RASSF5: variants seen among roughly 807,000 people sequenced by gnomAD.
RASSF5 encodes the protein Ras association domain family member 5.
RASSF5 carries 25 observed loss-of-function variants against 40.5 expected under a neutral mutation model. The ratio of observed to expected loss-of-function variants is 0.62; its 90% CI spans 0.45 to 0.86. RASSF5 has a LOEUF of 0.86. Ranked by LOEUF, RASSF5 falls within the 40% of genes least tolerant of loss-of-function variation. RASSF5 has a pLI of 0.00. For missense variants in RASSF5, 521 were observed against 572.8 expected (o/e 0.91, Z 0.92); for synonymous variants, 246 against 252.4 (o/e 0.97, Z 0.24).
intron 2 of RASSF5, among the ~76,000 whole-genome samples, chr1:206,582,885 T>C (rs1007835234): frequency 1.1e-4 from 17 of 152,202 alleles, no homozygotes; most frequent in African/African-American, 3.9e-4. Flanking sequence ...TCCCATAGCA[T>C]CAAAGAAGCA....
Position 206,584,974 on chromosome 1 carries a change from A to G in RASSF5, c.989-206A>G. Reference sequence around the variant, plus strand: ...CCTAATCTTTCAGGAGATGATGTGAATGGAATCATGCTTTAAACTCTGAGC... The same window carrying G: ...CCTAATCTTTCAGGAGATGATGTGAGTGGAATCATGCTTTAAACTCTGAGC... On this transcript the variant is annotated intron_variant, in intron 4 of 5. Coordinates refer to ENST00000579436, the MANE Select transcript of RASSF5 (RefSeq NM_182663.4). The surrounding 1 kb of genome is among the most constrained non-coding windows in gnomAD (Gnocchi z 4.9). 3.3e-6 allele frequency: 2 copies of G among 608,182 alleles called. No individual in the cohort carries two copies. The highest frequency in any genetic ancestry group is 5.8e-6 in the Non-Finnish European group (2 of 343,078). 37.7% of individuals were successfully genotyped at this position (608,182 alleles called of 1,614,324 possible).
chr1:206,584,900 A>C lies in RASSF5; in HGVS notation c.988+216A>C. On this transcript the variant is annotated intron_variant, in intron 4 of 5. Transcript: ENST00000579436. This position sits in a 1 kb window ranked among gnomAD's most constrained non-coding sequence, Gnocchi z 4.9. ...TGTGACTTCAGGAAAACCACACCCT[A>C]GGCTCCCATTTCCTGATCTGTGCAA... The C allele has an allele frequency of 1.6e-6, 1 of 613,464 alleles. No homozygotes were observed. Among genetic ancestry groups the C allele is most frequent in the Non-Finnish European group, 2.9e-6 (1 of 349,110 alleles). 38.0% of individuals were successfully genotyped at this position (613,464 alleles called of 1,614,324 possible).
chr1:206,521,584 G>A (rs1226796403), intron 1 of RASSF5, among the ~76,000 whole-genome samples: 1 of 152,162 alleles, frequency 6.6e-6, no homozygotes, highest in Admixed American at 6.5e-5. Context: ...CTATTTGGCT[G>A]TCCTTATCTT....
At chr1:206,548,947 C>T (rs1667767921) in intron 2 of RASSF5, among the ~76,000 whole-genome samples, 2 of 151,956 alleles carry the variant, frequency 1.3e-5, no homozygotes, top group African/African-American at 2.4e-5. Context: ...CTCACTGCAA[C>T]CTCTGTCTCC....
intron 2 of RASSF5, among the ~76,000 whole-genome samples, chr1:206,550,818 C>T (rs1156421433): frequency 6.6e-6 from 1 of 152,178 alleles, no homozygotes; most frequent in Admixed American, 6.5e-5. Context: ...AACAATGCTG[C>T]TCTCAGCATC....
chr1:206,512,090 C>T (rs1484744507), intron 1 of RASSF5, among the ~76,000 whole-genome samples: 9 of 152,044 alleles, frequency 5.9e-5, no homozygotes, highest in Admixed American at 3.3e-4. Flanking sequence ...GATTTAGCCC[C>T]GTGTTTGGCT....
At chr1:206,566,554 C>T (rs531270651) in intron 2 of RASSF5, among the ~76,000 whole-genome samples, 1 of 152,280 alleles carries the variant, frequency 6.6e-6, no homozygotes, top group South Asian at 2.1e-4. Context: ...CTGCAGGGCC[C>T]TCGCTTTGCA....
intron 1 of RASSF5, chr1:206,529,630 TGG>T: frequency 1.3e-6 from 1 of 765,726 alleles, no homozygotes; most frequent in Non-Finnish European, 2.4e-6. Context: ...GGCAATGTCC[TGG>T]GTCCCAAGTC....
intron 2 of RASSF5, among the ~76,000 whole-genome samples, chr1:206,575,427 T>TTG: frequency 6.6e-6 from 1 of 152,118 alleles, no homozygotes; most frequent in East Asian, 1.9e-4. Flanking sequence ...TTTTCTTGAG[T>TTG]TGTGTGTGTT....
rs146023819 is a variant in RASSF5, at chr1:206,535,988, C to G, written c.458-2184C>G. On this transcript the variant is annotated intron_variant, in intron 1 of 5. Coordinates refer to ENST00000579436, the MANE Select transcript of RASSF5 (RefSeq NM_182663.4). This position sits in a 1 kb window ranked among gnomAD's most constrained non-coding sequence, Gnocchi z 5.0. The stretch of plus-strand genomic sequence containing the variant: ...AGAGCATTCTTCATCGCTCAGAGCT[C>G]TACCAGAGCCATACAGGTGTGTCCC... 6.6e-6 allele frequency among the ~76,000 whole-genome samples: 1 copy of G among 152,222 alleles called. No individual in the cohort carries two copies. Among genetic ancestry groups the G allele is most frequent in the Non-Finnish European group, 1.5e-5 (1 of 68,008 alleles).
chr1:206,553,549 G>A (rs190972704), intron 2 of RASSF5, among the ~76,000 whole-genome samples: 36 of 152,336 alleles, frequency 2.4e-4, no homozygotes, highest in African/African-American at 8.2e-4. Flanking sequence ...CCTGTTAAGA[G>A]TGAAACTCCA....
At chr1:206,551,182 A>G (rs1553400990) in intron 2 of RASSF5, among the ~76,000 whole-genome samples, 2 of 152,204 alleles carry the variant, frequency 1.3e-5, no homozygotes, top group Non-Finnish European at 2.9e-5. Context: ...AGAATACATT[A>G]GACCCCACCT....
At chr1:206,536,969 C>T (rs551019696) in intron 1 of RASSF5, among the ~76,000 whole-genome samples, 6 of 152,310 alleles carry the variant, frequency 3.9e-5, no homozygotes, top group East Asian at 1.9e-4. Flanking sequence ...ATTTTCCCTG[C>T]GGATGGACTT....
chr1:206,582,766 T>C (rs1668944131), intron 2 of RASSF5, among the ~76,000 whole-genome samples: 1 of 152,242 alleles, frequency 6.6e-6, no homozygotes, highest in Non-Finnish European at 1.5e-5. Context: ...AGAGAATTCT[T>C]GTCTTCCCGA....
chr1:206,583,377 C>A lies in RASSF5; in HGVS notation c.688C>A (p.Leu230Met). 6.2e-7 allele frequency: 1 copy of A among 1,604,122 alleles called. No individual in the cohort carries two copies. Among genetic ancestry groups the A allele is most frequent in the Non-Finnish European group, 8.5e-7 (1 of 1,171,046 alleles). The change falls in exon 3 of 6, where the codon CTG becomes ATG. Residue 230 changes from leucine (L) to methionine (M), a missense_variant and splice_region_variant. Around this residue, in one of 2 missense-constraint regions of RASSF5, gnomAD observed 284 missense variants for 360.8 expected, o/e 0.79. Transcript: ENST00000579436. ...AGAGAAGAACTGCCTGGGCATGAAA[C>A]TGGTAAGCGCCCGTCCACCCTCAAC... ...TREKNCLGMK[L>M]SEDGTYTGFI...
chr1:206,546,089 ATTTTTTTT>A (rs10603701), intron 2 of RASSF5, among the ~76,000 whole-genome samples: 22 of 48,218 alleles, frequency 4.6e-4, no homozygotes, highest in African/African-American at 1.8e-3. Context: ...TTCTTTTTCT[ATTTTTTTT>A]TTTTTTTTTT....
rs868993286 is a variant in RASSF5, at chr1:206,552,930, G to A, written c.579+14637G>A. ...AAGAAAGTGCTCAGTAAGGCTGGGC[G>A]CGGTGGCTCACACCTGTAATCCCAG... On this transcript the variant is annotated intron_variant, in intron 2 of 5. Transcript: ENST00000579436. The surrounding 1 kb of genome is among the most constrained non-coding windows in gnomAD (Gnocchi z 4.1). Among the ~76,000 whole-genome samples the A allele has an allele frequency of 6.6e-6, 1 of 152,132 alleles. No individual in the cohort carries two copies. Among genetic ancestry groups the A allele is most frequent in the Admixed American group, 6.5e-5 (1 of 15,284 alleles).
chr1:206,583,503 CCA>C, intron 3 of RASSF5, 124 bp downstream of exon 3: 1 of 694,568 alleles, frequency 1.4e-6, no homozygotes, highest in Non-Finnish European at 2.6e-6. Flanking sequence ...CCTCCGGCCT[CCA>C]GAGGCCTCCG....
rs1395755900 is a variant in RASSF5 at position 206,579,557 on chromosome 1, A to G, written c.580-3712A>G. Among the ~76,000 whole-genome samples, 9 of 152,260 alleles carry G rather than the reference A, an allele frequency of 5.9e-5. No individual in the cohort carries two copies. The highest frequency in any genetic ancestry group is 3.4e-3 in the Middle Eastern group (1 of 294). On this transcript the variant is annotated intron_variant, in intron 2 of 5. Coordinates refer to ENST00000579436, the MANE Select transcript of RASSF5 (RefSeq NM_182663.4). This position sits in a 1 kb window ranked among gnomAD's most constrained non-coding sequence, Gnocchi z 4.2. ...TGTGTGTTTCTTGGCACCAAGTGTT[A>G]ATTCAGCAGCTGGATGAAGACCCTT...
Sources: allele counts gnomAD v4.1 joint callset (sites outside exome capture counted in the v4.1 genomes callset), GRCh38; gene constraint gnomAD v4.1.1; regional missense constraint gnomAD v4.1.1; non-coding constraint Gnocchi (gnomAD v3.1); transcripts MANE v1.5; gene names NCBI Gene and HGNC (gene_info 2026-07-23, HGNC 2026-07-21).